Variants in NXPH1 observed in about 807,000 individuals in gnomAD.
The protein encoded by NXPH1 is neurexophilin 1, also known as neurexophilin-1.
A neutral mutation model predicts 23.7 loss-of-function variants in NXPH1; 5 were observed. The ratio of observed to expected loss-of-function variants is 0.21; its 90% confidence interval spans 0.11 to 0.44. The LOEUF (loss-of-function observed/expected upper bound fraction) is 0.44. Ranked by LOEUF, NXPH1 falls within the 20% of genes least tolerant of loss-of-function variation. The pLI, the probability that NXPH1 is intolerant of heterozygous loss-of-function variation, is 0.99. For synonymous variants in NXPH1, 144 were observed against 122.2 expected (o/e 1.18, Z -1.18); for missense variants, 324 against 321.6 (o/e 1.01, Z -0.06).
At chr7:8,439,560 G>A (rs1203577247) in intron 2 of NXPH1, among the ~76,000 whole-genome samples, 2 of 152,214 alleles carry the variant, frequency 1.3e-5, no homozygotes, top group African/African-American at 4.8e-5. Context: ...CACCATTTCT[G>A]CTAGGAATTA....
At chr7:8,566,751 C>T (rs1205661836) in intron 2 of NXPH1, among the ~76,000 whole-genome samples, 2 of 151,754 alleles carry the variant, frequency 1.3e-5, no homozygotes, top group African/African-American at 4.8e-5. Flanking sequence ...GCCATGCTAC[C>T]AGTATCACAG....
chr7:8,519,242 A>C (rs1817732023), intron 2 of NXPH1, among the ~76,000 whole-genome samples: 2 of 152,206 alleles, frequency 1.3e-5, no homozygotes, highest in South Asian at 4.1e-4. Context: ...AATTATAAAA[A>C]AGGTATTACA....
intron 2 of NXPH1, among the ~76,000 whole-genome samples, chr7:8,651,952 A>AT (rs1348223685): frequency 6.6e-6 from 1 of 152,056 alleles, no homozygotes; most frequent in Non-Finnish European, 1.5e-5. Context: ...TATTCTGTAT[A>AT]TTTTTTCTGA....
chr7:8,600,923 C>CT (rs112106354), intron 2 of NXPH1, among the ~76,000 whole-genome samples: 10,612 of 145,230 alleles, frequency 0.073, 808 homozygotes, highest in East Asian at 0.2. Flanking sequence ...ATGTGTAGAC[C>CT]TTTTTTTTTT....
intron 2 of NXPH1, among the ~76,000 whole-genome samples, chr7:8,489,857 T>C (rs1209392289): frequency 2.6e-5 from 4 of 152,088 alleles, no homozygotes; most frequent in African/African-American, 9.7e-5. Flanking sequence ...CAGGAGAATT[T>C]CTCTGCATCT....
chr7:8,584,296 A>G (rs1366051157), intron 2 of NXPH1, among the ~76,000 whole-genome samples: 2 of 152,182 alleles, frequency 1.3e-5, no homozygotes, highest in Non-Finnish European at 2.9e-5. Flanking sequence ...TGTGAAGATT[A>G]AAAGAGACTA....
Position 8,470,942 on chromosome 7 carries a change from G to T in NXPH1, c.54+35175G>T, listed in dbSNP as rs186733185. Among the ~76,000 whole-genome samples, 233 of 152,114 alleles carry T rather than the reference G, an allele frequency of 1.5e-3. 1 individual carries two copies. The highest frequency in any genetic ancestry group is 5.2e-3 in the African/African-American group (217 of 41,512). On this transcript the variant is annotated intron_variant, in intron 2 of 2. Coordinates refer to ENST00000405863, the MANE Select transcript of NXPH1 (RefSeq NM_152745.3). ...GAATGGGATCTTATAAAATTCTATG[G>T]TTCAGAGAGGATCTTACAAATTTTT...
Position 8,578,948 on chromosome 7 carries a change from T to C in NXPH1, c.54+143181T>C, listed in dbSNP as rs989116940. The stretch of plus-strand genomic sequence containing the variant: ...TGAGTCAGGATACAACATGTGTTGT[T>C]TGAAAACCTGAAAGAACTCAGGTAT... On this transcript the variant is annotated intron_variant, in intron 2 of 2. Transcript: ENST00000405863. Among the ~76,000 whole-genome samples, 5 of 152,138 alleles carry C rather than the reference T, an allele frequency of 3.3e-5. No individual in the cohort carries two copies. The East Asian group carries it at 9.6e-4, about 29-fold the overall frequency.
chr7:8,566,734 G>T (rs1818553711), intron 2 of NXPH1, among the ~76,000 whole-genome samples: 1 of 151,700 alleles, frequency 6.6e-6, no homozygotes, highest in African/African-American at 2.4e-5. Flanking sequence ...GTTTGGACTT[G>T]GACTGAGCCA....
chr7:8,749,824 C>T (rs892872549), intron 2 of NXPH1, among the ~76,000 whole-genome samples: 3 of 152,150 alleles, frequency 2.0e-5, no homozygotes, highest in Non-Finnish European at 4.4e-5. Flanking sequence ...TTTTAGTTCC[C>T]GTGGGTCCTT....
At chr7:8,578,573 A>G (rs1818797563) in intron 2 of NXPH1, among the ~76,000 whole-genome samples, 1 of 152,228 alleles carries the variant, frequency 6.6e-6, no homozygotes, top group East Asian at 1.9e-4. Flanking sequence ...CTGAAAGCAG[A>G]GCAGATTTTA....
intron 2 of NXPH1, among the ~76,000 whole-genome samples, chr7:8,716,009 A>G (rs1225614884): frequency 6.6e-6 from 1 of 152,128 alleles, no homozygotes; most frequent in East Asian, 1.9e-4. Context: ...ATATATGTAT[A>G]TTTACAATGG....
intron 2 of NXPH1, among the ~76,000 whole-genome samples, chr7:8,560,417 T>A (rs570231846): frequency 2.0e-5 from 3 of 151,890 alleles, no homozygotes; most frequent in African/African-American, 7.2e-5. Flanking sequence ...TTGTTTGATG[T>A]GACAGACTGC....
intron 2 of NXPH1, among the ~76,000 whole-genome samples, chr7:8,441,178 G>A (rs1048268142): frequency 2.0e-5 from 3 of 152,208 alleles, no homozygotes; most frequent in Non-Finnish European, 4.4e-5. Flanking sequence ...AGGCAGGCGA[G>A]CCTGCCAGCC....
At chr7:8,463,945 T>C (rs998370743) in intron 2 of NXPH1, among the ~76,000 whole-genome samples, 1 of 152,210 alleles carries the variant, frequency 6.6e-6, no homozygotes, top group African/African-American at 2.4e-5. Context: ...GGACCTTTCT[T>C]AGGAGTTCCT....
intron 2 of NXPH1, among the ~76,000 whole-genome samples, chr7:8,506,225 C>T (rs1271067345): frequency 6.6e-6 from 1 of 151,796 alleles, no homozygotes; most frequent in Non-Finnish European, 1.5e-5. Context: ...TGATTTTTAC[C>T]TCCTCTTCCT....
intron 2 of NXPH1, among the ~76,000 whole-genome samples, chr7:8,556,602 T>C (rs888168607): frequency 1.3e-5 from 2 of 151,770 alleles, no homozygotes; most frequent in African/African-American, 2.4e-5. Flanking sequence ...TGTCTAGAAC[T>C]GACACAACAT....
At chr7:8,515,865 G>T (rs1817678381) in intron 2 of NXPH1, among the ~76,000 whole-genome samples, 1 of 152,024 alleles carries the variant, frequency 6.6e-6, no homozygotes, top group Admixed American at 6.6e-5. Flanking sequence ...TTTTTCTTCT[G>T]TATGGCCCAT....
At chr7:8,449,642 A>G (rs555767712) in intron 2 of NXPH1, among the ~76,000 whole-genome samples, 8 of 152,328 alleles carry the variant, frequency 5.3e-5, no homozygotes, top group African/African-American at 1.9e-4. Context: ...GCAAGATTCT[A>G]TCTCAGGCAG....
Sources: gnomAD v4.1 joint callset for allele counts (sites outside exome capture counted in the v4.1 genomes callset) on GRCh38, gnomAD v4.1.1 for gene constraint, MANE v1.5 for transcripts, NCBI Gene and HGNC (gene_info 2026-07-23, HGNC 2026-07-21) for gene names.